Variants in ZNF462 observed in about 807,000 individuals in gnomAD.
The protein encoded by ZNF462 is zinc finger protein 462.
Under a neutral mutation model 201.9 loss-of-function variants are expected in ZNF462, and 10 were observed. The observed-to-expected ratio is 0.05, with a 90% confidence interval of 0.03 to 0.08. The LOEUF is 0.08. Among genes scored for constraint, ZNF462 ranks in the 10% least tolerant of loss-of-function variants. The pLI is 1.00. For synonymous variants in ZNF462, 1,227 were observed against 1,193.3 expected (o/e 1.03, Z -0.58); for missense variants, 2,523 against 3,168.3 (o/e 0.80, Z 4.89).
rs747807158 is a variant in ZNF462, at chr9:106,929,496, C to T, written c.5584C>T (p.Leu1862=). 1.2e-6 allele frequency: 2 copies of T among 1,614,154 alleles called. No individual in the cohort carries two copies. The highest frequency in any genetic ancestry group is 3.3e-5 in the Admixed American group (2 of 60,034). The change falls in exon 3 of 13, where the codon CTG becomes TTG. Residue 1862 remains leucine, a synonymous_variant. Transcript: ENST00000277225. This position sits in a 1 kb window ranked among gnomAD's most constrained non-coding sequence, Gnocchi z 8.7. ...FKLSFSTAEL[L]CMHYTDHHSR... Reference sequence around the variant, plus strand: ...GCTGTCCTTTAGCACTGCAGAGCTGCTGTGCATGCATTACACTGACCACCA... The same window carrying T: ...GCTGTCCTTTAGCACTGCAGAGCTGTTGTGCATGCATTACACTGACCACCA...
chr9:106,896,120 T>C (rs1292799131), intron 1 of ZNF462, among the ~76,000 whole-genome samples: 1 of 152,154 alleles, frequency 6.6e-6, no homozygotes, highest in Admixed American at 6.5e-5. Flanking sequence ...CATTGTCTGA[T>C]TTTTTTAATG....
intron 1 of ZNF462, among the ~76,000 whole-genome samples, chr9:106,879,669 G>A (rs1828005030): frequency 6.6e-6 from 1 of 152,126 alleles, no homozygotes; most frequent in Admixed American, 6.5e-5. Flanking sequence ...ACATTGTGCT[G>A]CAGCTGTAGT....
Position 106,955,600 on chromosome 9 carries a change from A to T in ZNF462, c.6428-16405A>T, listed in dbSNP as rs1831539065. ...TGACTCTTCCTTTCACAAAAGTTTT[A>T]TCTGCAGCATGCAGTGCTGTTGCAG... On this transcript the variant is annotated intron_variant, in intron 7 of 12. Transcript: ENST00000277225. Among the ~76,000 whole-genome samples the T allele has an allele frequency of 7.2e-5, 11 of 152,272 alleles. No homozygotes were observed. The South Asian group carries it at 2.1e-3, about 29-fold the overall frequency.
chr9:106,987,241 T>C (rs887795504), intron 10 of ZNF462, among the ~76,000 whole-genome samples: 21 of 152,198 alleles, frequency 1.4e-4, no homozygotes, highest in African/African-American at 5.1e-4. Flanking sequence ...ATCACCACAC[T>C]GTTTTCCATA....
intron 1 of ZNF462, among the ~76,000 whole-genome samples, chr9:106,874,900 A>G (rs1827760669): frequency 1.3e-5 from 2 of 152,240 alleles, no homozygotes; most frequent in Non-Finnish European, 2.9e-5. Context: ...ATGAATGAAC[A>G]TCACCCATAG....
In ZNF462 at chr9:106,872,811, C is replaced by CTA. The variant is rs2130847236; in HGVS notation, c.-31+9459_-31+9460dup. ...GCTTCATCAAAAAAATCTGCCAACT[C>CTA]TATAGAGTGGGAATACCACATAGGA... On this transcript the variant is annotated intron_variant, in intron 1 of 12. Coordinates refer to ENST00000277225, the MANE Select transcript of ZNF462 (RefSeq NM_021224.6). The surrounding 1 kb of genome is among the most constrained non-coding windows in gnomAD (Gnocchi z 4.5). 6.6e-6 allele frequency among the ~76,000 whole-genome samples: 1 copy of CTA among 152,288 alleles called. No individual in the cohort carries two copies. The highest frequency in any genetic ancestry group is 1.9e-4 in the East Asian group (1 of 5,190).
chr9:106,950,054 C>T lies in ZNF462; in HGVS notation c.6427+10947C>T, dbSNP rs938312045. 2.0e-5 allele frequency among the ~76,000 whole-genome samples: 3 copies of T among 152,180 alleles called. No individual in the cohort carries two copies. Among genetic ancestry groups the T allele is most frequent in the Non-Finnish European group, 2.9e-5 (2 of 68,038 alleles). On this transcript the variant is annotated intron_variant, in intron 7 of 12. Transcript: ENST00000277225. The surrounding 1 kb of genome is among the most constrained non-coding windows in gnomAD (Gnocchi z 4.1). ...CTTTCTCCAGCATCCTGGTTTCTCT[C>T]GTCCCCTCGTCCTCTGGTTTCCAAC... is the stretch of plus-strand genomic sequence containing the variant.
chr9:106,969,177 A>G (rs1832215478), intron 7 of ZNF462, among the ~76,000 whole-genome samples: 1 of 152,146 alleles, frequency 6.6e-6, no homozygotes, highest in Admixed American at 6.5e-5. Flanking sequence ...GTCCTAAATG[A>G]TGGGATTTGC....
chr9:106,897,160 A>G (rs1243581614), intron 1 of ZNF462, among the ~76,000 whole-genome samples: 2 of 152,244 alleles, frequency 1.3e-5, no homozygotes, highest in Non-Finnish European at 2.9e-5. Context: ...TCCCTTTCAG[A>G]GAAAACTTCA....
chr9:106,953,193 A>G (rs1175749730), intron 7 of ZNF462, among the ~76,000 whole-genome samples: 1 of 152,154 alleles, frequency 6.6e-6, no homozygotes, highest in Non-Finnish European at 1.5e-5. Context: ...TGCTAGACTC[A>G]GTGTTCTGCC....
At position 106,972,336 on chromosome 9, in the gene ZNF462, A is replaced by G; in HGVS notation, c.6695+64A>G. On this transcript the variant is annotated intron_variant, in intron 8 of 12. Coordinates refer to ENST00000277225, the MANE Select transcript of ZNF462 (RefSeq NM_021224.6). This position sits in a 1 kb window ranked among gnomAD's most constrained non-coding sequence, Gnocchi z 4.8. The stretch of plus-strand genomic sequence containing the variant: ...CCGCCCCTGCTCCACCCCTCACTGC[A>G]GGCTTCCCTTACACTTTCCTACTTG... The G allele has an allele frequency of 6.4e-7, 1 of 1,562,258 alleles. No homozygotes were observed. The highest frequency in any genetic ancestry group is 8.7e-7 in the Non-Finnish European group (1 of 1,154,618).
chr9:106,861,109 C>T (rs116588521), upstream of ZNF462, among the ~76,000 whole-genome samples: 883 of 152,056 alleles, frequency 5.8e-3, 10 homozygotes, highest in African/African-American at 0.02. Flanking sequence ...TTATCACCCC[C>T]GCCATCAACA....
intron 11 of ZNF462, among the ~76,000 whole-genome samples, chr9:107,004,696 T>C (rs916123570): frequency 2.6e-5 from 4 of 152,154 alleles, no homozygotes; most frequent in Non-Finnish European, 4.4e-5. Context: ...ACATATGCAT[T>C]ACCTCACATA....
rs534931811 is a variant in ZNF462, at chr9:106,932,329, G to A, written c.6013-117G>A. The A allele has an allele frequency of 1.6e-4, 256 of 1,561,966 alleles. 1 individual carries two copies. In the African/African-American group the frequency reaches 2.5e-3, roughly 15 times the overall value. The stretch of plus-strand genomic sequence containing the variant: ...GGAAGCAGCCAAAGACGCCAGTGGC[G>A]CCCTGGTGGGCCGGGTGGATGGTGA... On this transcript the variant is annotated intron_variant, in intron 4 of 12. Coordinates refer to ENST00000277225, the MANE Select transcript of ZNF462 (RefSeq NM_021224.6). This position sits in a 1 kb window ranked among gnomAD's most constrained non-coding sequence, Gnocchi z 6.8.
At chr9:106,967,604 G>A (rs1832136031) in intron 7 of ZNF462, among the ~76,000 whole-genome samples, 1 of 152,008 alleles carries the variant, frequency 6.6e-6, no homozygotes, top group Non-Finnish European at 1.5e-5. Context: ...ATCCTGAGCT[G>A]TTCAAGAGCC....
chr9:106,930,766 C>T lies in ZNF462; in HGVS notation c.6012+77C>T, dbSNP rs932823850. ...TTATTAACCCCATTGCCTAAAGCAG[C>T]TCAGGAAAGAGCATCTCAGAATGCG... is the stretch of plus-strand genomic sequence containing the variant. On this transcript the variant is annotated intron_variant, in intron 4 of 12. Transcript: ENST00000277225. This position sits in a 1 kb window ranked among gnomAD's most constrained non-coding sequence, Gnocchi z 5.8. The T allele has an allele frequency of 1.2e-5, 18 of 1,546,432 alleles. No individual in the cohort carries two copies. Among genetic ancestry groups the T allele is most frequent in the Non-Finnish European group, 1.5e-5 (17 of 1,134,028 alleles).
At chr9:106,991,054 G>A (rs1242736429) in intron 10 of ZNF462, among the ~76,000 whole-genome samples, 5 of 151,968 alleles carry the variant, frequency 3.3e-5, no homozygotes, top group African/African-American at 1.2e-4. Flanking sequence ...AAATATAAAA[G>A]TCAAGGACCA....
At chr9:106,882,030 T>C (rs35460589) in intron 1 of ZNF462, among the ~76,000 whole-genome samples, 27,659 of 152,216 alleles carry the variant, frequency 0.18, 2,546 homozygotes, top group South Asian at 0.27. Flanking sequence ...ACAGTTTTAA[T>C]GTCTTACAAG....
In ZNF462 at chr9:107,011,806, CTG is replaced by C. The variant is rs1313464480; in HGVS notation, c.*778_*779del. The C allele has an allele frequency of 6.6e-6, 1 of 151,860 alleles. No individual in the cohort carries two copies. Among genetic ancestry groups the C allele is most frequent in the Non-Finnish European group, 1.5e-5 (1 of 67,990 alleles). 9.4% of individuals were successfully genotyped at this position (151,860 alleles called of 1,614,324 possible). ...GAAACAGACTTTAATTATTAGATAA[CTG>C]TTTGTGAATTGTCATCCTTTATTCC... On this transcript the variant is annotated 3_prime_UTR_variant, in exon 13 of 13. Coordinates refer to ENST00000277225, the MANE Select transcript of ZNF462 (RefSeq NM_021224.6). This position sits in a 1 kb window ranked among gnomAD's most constrained non-coding sequence, Gnocchi z 5.6.
Sources: allele counts gnomAD v4.1 joint callset (sites outside exome capture counted in the v4.1 genomes callset), GRCh38; gene constraint gnomAD v4.1.1; non-coding constraint Gnocchi (gnomAD v3.1); transcripts MANE v1.5; gene names NCBI Gene and HGNC (gene_info 2026-07-23, HGNC 2026-07-21).